THAP6: variants seen among roughly 807,000 people sequenced by gnomAD.
The protein encoded by THAP6 is THAP domain-containing protein 6.
Under a neutral mutation model 20.0 loss-of-function variants are expected in THAP6, and 13 were observed. The ratio of observed to expected loss-of-function variants is 0.65; its 90% CI spans 0.42 to 1.03. The LOEUF (loss-of-function observed/expected upper bound fraction) is 1.03, where lower values mean the gene tolerates loss of function less well. Ranked by LOEUF, THAP6 falls within the 50% of genes least tolerant of loss-of-function variation. The pLI is 0.00. For missense variants in THAP6, 262 were observed against 261.6 expected (o/e 1.00, Z -0.01); for synonymous variants, 93 against 92.2 (o/e 1.01, Z -0.05).
chr4:75,520,017 C>T (rs974625248), intron 3 of THAP6, among the ~76,000 whole-genome samples: 20 of 151,708 alleles, frequency 1.3e-4, no homozygotes, highest in African/African-American at 4.6e-4. Flanking sequence ...TAATGATTGC[C>T]ATTCTAACTG....
intron 3 of THAP6, among the ~76,000 whole-genome samples, chr4:75,546,074 T>C (rs1727121091): frequency 6.6e-6 from 1 of 152,160 alleles, no homozygotes; most frequent in Non-Finnish European, 1.5e-5. Flanking sequence ...AGAAGGATGG[T>C]CTCAATTTAA....
Position 75,528,690 on chromosome 4 carries a change from T to C in THAP6, c.*1476T>C, listed in dbSNP as rs775594130. 6.1e-6 allele frequency: 6 copies of C among 984,688 alleles called. No individual in the cohort carries two copies. The highest frequency in any genetic ancestry group is 7.2e-6 in the Non-Finnish European group (6 of 829,806). 61.0% of individuals were successfully genotyped at this position (984,688 alleles called of 1,614,324 possible). On this transcript the variant is annotated 3_prime_UTR_variant, in exon 5 of 5. Coordinates refer to ENST00000311638, the MANE Select transcript of THAP6 (RefSeq NM_144721.6). The stretch of plus-strand genomic sequence containing the variant: ...ACCCACATCTGCGAGATCAGCGTTA[T>C]GCTAAGAGGAAATCACTGAGGCCAT...
chr4:75,533,021 C>G (rs1726734708), downstream of THAP6, among the ~76,000 whole-genome samples: 1 of 152,204 alleles, frequency 6.6e-6, no homozygotes, highest in African/African-American at 2.4e-5. Flanking sequence ...ACGCAAGTTT[C>G]TGCAGCCGGC....
intron 3 of THAP6, among the ~76,000 whole-genome samples, chr4:75,546,216 G>C (rs1196245810): frequency 6.6e-6 from 1 of 152,172 alleles, no homozygotes; most frequent in Non-Finnish European, 1.5e-5. Flanking sequence ...ACTGAGAAGA[G>C]GGGGACTGAA....
At chr4:75,538,267 C>G (rs1265534486) in intron 2 of THAP6, among the ~76,000 whole-genome samples, 2 of 151,936 alleles carry the variant, frequency 1.3e-5, no homozygotes, top group African/African-American at 2.4e-5. Flanking sequence ...CATGCACATA[C>G]AGTGCCCCAA....
intron 2 of THAP6, chr4:75,539,890 A>G: frequency 6.5e-7 from 1 of 1,536,140 alleles, no homozygotes; most frequent in Non-Finnish European, 8.7e-7. Flanking sequence ...GAACAGGAAG[A>G]AGAACAAAAA....
At chr4:75,530,640 A>G (rs1726651237), downstream of THAP6, among the ~76,000 whole-genome samples, 1 of 152,214 alleles carries the variant, frequency 6.6e-6, no homozygotes, top group Non-Finnish European at 1.5e-5. Flanking sequence ...GATCATTAAC[A>G]TAACCTTGGG....
At chr4:75,535,732 G>T (rs1208196115) in intron 2 of THAP6, among the ~76,000 whole-genome samples, 1 of 152,138 alleles carries the variant, frequency 6.6e-6, no homozygotes, top group Admixed American at 6.5e-5. Flanking sequence ...TTAGTACTAA[G>T]TACTAAGGTA....
Position 75,521,838 on chromosome 4 carries a change from GAAT to G in THAP6, c.392_394del (p.Glu131_Phe132delinsVal). 1 of 1,613,390 alleles carries G rather than the reference GAAT, an allele frequency of 6.2e-7. No individual in the cohort carries two copies. Among genetic ancestry groups the G allele is most frequent in the Non-Finnish European group, 8.5e-7 (1 of 1,179,570 alleles). ...TGTTGGTGCTTCCTCATGTATTGAA[GAAT>G]TCCAATCCCAGTTCATTTTTGTAAG... On this transcript the variant is annotated inframe_deletion, in exon 4 of 5. Coordinates refer to ENST00000311638, the MANE Select transcript of THAP6 (RefSeq NM_144721.6).
chr4:75,542,076 A>G (rs1296698216), intron 2 of THAP6, among the ~76,000 whole-genome samples: 5 of 152,222 alleles, frequency 3.3e-5, no homozygotes, highest in Admixed American at 6.5e-5. Context: ...GTCTTGAATT[A>G]CTAGTATTTC....
chr4:75,527,494 A>G lies in THAP6; in HGVS notation c.*280A>G, dbSNP rs1726455927. On this transcript the variant is annotated 3_prime_UTR_variant, in exon 5 of 5. Transcript: ENST00000311638. The stretch of plus-strand genomic sequence containing the variant: ...ATCTCAAGAAAATTTCACAGAGCTA[A>G]AGAAATGATGTCAAATTAGTCACAT... 8.3e-7 allele frequency: 1 copy of G among 1,207,340 alleles called. No individual in the cohort carries two copies. Among genetic ancestry groups the G allele is most frequent in the Non-Finnish European group, 1.0e-6 (1 of 967,526 alleles). The allele number at this position is 1,207,340 out of a possible 1,614,324, so 74.8% of individuals were successfully genotyped here.
chr4:75,528,522 G>A lies in THAP6; in HGVS notation c.*1308G>A, dbSNP rs1726516458. ...AAAATTGAATTGCATTTTGTGCTCA[G>A]TTGTTTATTGTAATTTTATTTTTGT... On this transcript the variant is annotated 3_prime_UTR_variant, in exon 5 of 5. Coordinates refer to ENST00000311638, the MANE Select transcript of THAP6 (RefSeq NM_144721.6). The A allele has an allele frequency of 5.1e-6, 5 of 984,382 alleles. No homozygotes were observed. Among genetic ancestry groups the A allele is most frequent in the African/African-American group, 1.7e-5 (1 of 57,302 alleles). The allele number at this position is 984,382 out of a possible 1,614,324, so 61.0% of individuals were successfully genotyped here.
chr4:75,530,190 A>G (rs910849490), downstream of THAP6, among the ~76,000 whole-genome samples: 1 of 152,162 alleles, frequency 6.6e-6, no homozygotes, highest in African/African-American at 2.4e-5. Flanking sequence ...TCAGCACAAT[A>G]TGGACCTATC....
chr4:75,545,825 C>T (rs1424165732), intron 3 of THAP6, among the ~76,000 whole-genome samples: 1 of 152,218 alleles, frequency 6.6e-6, no homozygotes, highest in Non-Finnish European at 1.5e-5. Context: ...GGCCCAGCAG[C>T]AGGACAGGGC....
chr4:75,535,294 C>CT, intron 2 of THAP6, among the ~76,000 whole-genome samples: 1 of 152,182 alleles, frequency 6.6e-6, no homozygotes, highest in Non-Finnish European at 1.5e-5. Context: ...GAAGCTATGC[C>CT]TTTATACACT....
intron 3 of THAP6, chr4:75,542,920 T>C (rs1469911107): frequency 6.3e-6 from 1 of 158,496 alleles, no homozygotes; most frequent in Admixed American, 6.2e-5. Context: ...GGAAAGCCCA[T>C]AGTTACTCAT....
intron 3 of THAP6, among the ~76,000 whole-genome samples, chr4:75,545,361 T>G (rs1333378101): frequency 6.6e-6 from 1 of 152,200 alleles, no homozygotes; most frequent in Non-Finnish European, 1.5e-5. Flanking sequence ...ATCACCAGGA[T>G]GAGGTTAGGA....
chr4:75,542,718 T>C (rs1316899667), intron 3 of THAP6: 2 of 364,042 alleles, frequency 5.5e-6, no homozygotes. Flanking sequence ...CCAGAGACTT[T>C]TGTTTTGTTT....
At chr4:75,517,474 A>G (rs1474294844) in intron 3 of THAP6, 1 of 152,730 alleles carries the variant, frequency 6.5e-6, no homozygotes, top group Non-Finnish European at 1.5e-5. Flanking sequence ...ACCAGTAACC[A>G]CTCATAAATA....
Sources: gnomAD v4.1 joint callset for allele counts (sites outside exome capture counted in the v4.1 genomes callset) on GRCh38, gnomAD v4.1.1 for gene constraint, MANE v1.5 for transcripts, NCBI Gene and HGNC (gene_info 2026-07-23, HGNC 2026-07-21) for gene names.